CYP2R1: variants seen among roughly 807,000 people sequenced by gnomAD.
CYP2R1 encodes the protein cytochrome P450 family 2 subfamily R member 1.
In CYP2R1, 40 loss-of-function variants were observed where a neutral mutation model predicts 45.7. That is an observed-to-expected ratio of 0.87 (90% CI 0.68 to 1.14). The LOEUF is 1.14. Among genes scored for constraint, CYP2R1 ranks in the 50% most tolerant of loss-of-function variants. The probability of loss-of-function intolerance (pLI) is 0.00; values close to 1 mark genes in which losing one functional copy is unlikely to be tolerated. For synonymous variants in CYP2R1, 234 were observed against 219.3 expected, an observed-to-expected ratio of 1.07 and a Z score of -0.59; for missense variants, 605 against 602.6, an observed-to-expected ratio of 1.00 and a Z score of -0.04.
At chr11:14,884,205 C>T (rs1848511843) in intron 2 of CYP2R1, among the ~76,000 whole-genome samples, 1 of 151,990 alleles carries the variant, frequency 6.6e-6, no homozygotes, top group African/African-American at 2.4e-5. Flanking sequence ...GACTATAAAT[C>T]ATGCTGCTAT....
rs1555010091 is a variant in CYP2R1, at chr11:14,877,873, T to G, written c.*249A>C. The stretch of plus-strand genomic sequence containing the variant: ...GGCGTCCATGACCCTTCTTAGCATT[T>G]TAAGCAACACCCATCATTTGCACCT... On this transcript the variant is annotated 3_prime_UTR_variant, in exon 5 of 5. Transcript: ENST00000334636. 7 of 469,060 alleles carry G rather than the reference T, an allele frequency of 1.5e-5. No individual in the cohort carries two copies. The allele number at this position is 469,060 out of a possible 1,614,324, so 29.1% of individuals were successfully genotyped here. A position where few individuals can be genotyped will look rare whatever the true frequency, so the allele number is the denominator to read the frequency against.
Position 14,879,425 on chromosome 11 carries a change from ATC to A in CYP2R1, c.1017_1018del (p.Glu339AspfsTer2). ...CCCATTAGGGCCCATAATTAAATCA[ATC>A]TCTTTCTGAACTTGTCCTGTCAGAG... On this transcript the variant is annotated frameshift_variant, in exon 4 of 5. Coordinates refer to ENST00000334636, the MANE Select transcript of CYP2R1 (RefSeq NM_024514.5). LOFTEE classifies it high-confidence loss of function. 6.2e-7 allele frequency: 1 copy of A among 1,602,920 alleles called. No individual in the cohort carries two copies. The highest frequency in any genetic ancestry group is 1.3e-5 in the African/African-American group (1 of 74,978).
intron 1 of CYP2R1, chr11:14,887,682 C>A (rs1050745608): frequency 1.0e-6 from 1 of 981,106 alleles, no homozygotes; most frequent in Non-Finnish European, 1.2e-6. Context: ...CAAACCAGCC[C>A]TACTCATAAT....
At chr11:14,889,936 G>C (rs781910428) in intron 1 of CYP2R1, among the ~76,000 whole-genome samples, 23 of 152,192 alleles carry the variant, frequency 1.5e-4, no homozygotes, top group Non-Finnish European at 2.5e-4. Context: ...AGACCATCCT[G>C]CCTAACCGAG....
chr11:14,884,717 A>T (rs976791230), intron 2 of CYP2R1, among the ~76,000 whole-genome samples: 4 of 151,964 alleles, frequency 2.6e-5, no homozygotes, highest in African/African-American at 9.7e-5. Context: ...AAAAAGAAAT[A>T]AAAAAACACA....
intron 2 of CYP2R1, among the ~76,000 whole-genome samples, chr11:14,884,114 T>A (rs1208173677): frequency 1.3e-5 from 2 of 152,130 alleles, no homozygotes; most frequent in African/African-American, 4.8e-5. Context: ...ATTGTGGAAG[T>A]CAGTGTGGCG....
chr11:14,889,481 C>T (rs944677294), intron 1 of CYP2R1, among the ~76,000 whole-genome samples: 1 of 152,180 alleles, frequency 6.6e-6, no homozygotes, highest in African/African-American at 2.4e-5. Flanking sequence ...CATAGTGAGG[C>T]AAACAATGTC....
At chr11:14,878,844 A>G (rs1355507164) in intron 4 of CYP2R1, among the ~76,000 whole-genome samples, 1 of 152,050 alleles carries the variant, frequency 6.6e-6, no homozygotes, top group Non-Finnish European at 1.5e-5. Flanking sequence ...CTGTTACTGA[A>G]TTCTCATTCC....
Position 14,879,416 on chromosome 11 carries a change from A to G in CYP2R1, c.1028T>C (p.Ile343Thr), listed in dbSNP as rs1378257281. ...AGAAGGCTTCCCATTAGGGCCCATA[A>G]TTAAATCAATCTCTTTCTGAACTTG... The part of the protein sequence containing the change: ...QGQVQKEIDL[I>T]MGPNGKPSWD... Residue 343 changes from isoleucine to threonine, a missense_variant, in exon 4 of 5, where the codon ATT becomes ACT. Physicochemically the swap from Ile to Thr is moderately conservative, Grantham distance 89. Coordinates refer to ENST00000334636, the MANE Select transcript of CYP2R1 (RefSeq NM_024514.5). The G allele has an allele frequency of 6.2e-7, 1 of 1,604,514 alleles. No individual in the cohort carries two copies. The highest frequency in any genetic ancestry group is 8.5e-7 in the Non-Finnish European group (1 of 1,179,266).
At chr11:14,889,224 A>G (rs1555015764) in intron 1 of CYP2R1, among the ~76,000 whole-genome samples, 1 of 150,890 alleles carries the variant, frequency 6.6e-6, no homozygotes, top group African/African-American at 2.4e-5. Flanking sequence ...GAAAACTAAG[A>G]TTTTATTTAA....
rs1555011001 is a variant in CYP2R1, at chr11:14,879,364, A to G, written c.1080T>C (p.Tyr360=). The G allele has an allele frequency of 5.0e-6, 8 of 1,611,516 alleles. No homozygotes were observed. Among genetic ancestry groups the G allele is most frequent in the Non-Finnish European group, 5.9e-6 (7 of 1,179,392 alleles). The change falls in exon 4 of 5, where the codon TAT becomes TAC. Residue 360 remains tyrosine, a synonymous_variant. Transcript: ENST00000334636. ...PSWDDKCKMP[Y]TEAVLHEVLR... Reference sequence around the variant, plus strand: ...AAACTTCATGCAAAACTGCCTCAGTATAAGGCATTTTGCATTTGTCGTCCC... The same window carrying G: ...AAACTTCATGCAAAACTGCCTCAGTGTAAGGCATTTTGCATTTGTCGTCCC...
At position 14,892,136 on chromosome 11, in the gene CYP2R1, CGAAGAGCAGCAG is replaced by C. The variant is rs1848885009; in HGVS notation, c.58_69del (p.Leu20_Phe23del). The C allele has an allele frequency of 6.2e-7, 1 of 1,611,350 alleles. No individual in the cohort carries two copies. The highest frequency in any genetic ancestry group is 1.1e-5 in the South Asian group (1 of 91,012). Reference sequence around the variant, plus strand: ...TTCAGCAGCTGGCGGACCCCTAGCGCGAAGAGCAGCAGGAAGAGCGCGCCGCCGAGCGCCGCC... The same window carrying C: ...TTCAGCAGCTGGCGGACCCCTAGCGCGAAGAGCGCGCCGCCGAGCGCCGCC... On this transcript the variant is annotated inframe_deletion, in exon 1 of 5. Transcript: ENST00000334636.
chr11:14,888,927 A>C (rs1165608125), intron 1 of CYP2R1, among the ~76,000 whole-genome samples: 4 of 152,224 alleles, frequency 2.6e-5, no homozygotes, highest in Non-Finnish European at 4.4e-5. Context: ...GCCTCTTGAA[A>C]TCTAGACTAA....
In CYP2R1 at chr11:14,880,084, T is replaced by C; in HGVS notation, c.1000+52A>G. 3.1e-6 allele frequency: 5 copies of C among 1,595,772 alleles called. No homozygotes were observed. In the South Asian group the frequency reaches 5.6e-5, roughly 18 times the overall value. ...TGCATGGCCAAGACTCAAAAACATG[T>C]ATGAACCCTACATGTAAGGATAGAC... is the stretch of plus-strand genomic sequence containing the variant. On this transcript the variant is annotated intron_variant, in intron 3 of 4. Transcript: ENST00000334636.
At chr11:14,891,018 G>T (rs1590235749) in intron 1 of CYP2R1, 2 of 985,380 alleles carry the variant, frequency 2.0e-6, no homozygotes, top group East Asian at 1.1e-4. Flanking sequence ...TCCTTAAAAG[G>T]CTGTATCTGC....
intron 1 of CYP2R1, chr11:14,890,783 C>T: frequency 1.3e-6 from 1 of 771,584 alleles, no homozygotes; most frequent in Non-Finnish European, 1.6e-6. Flanking sequence ...CTCCTGATTT[C>T]GTGATCCGCC....
intron 1 of CYP2R1, 30 bp from the exon 2 acceptor site, chr11:14,885,947 A>C: frequency 6.2e-7 from 1 of 1,607,384 alleles, no homozygotes; most frequent in African/African-American, 1.3e-5. Context: ...ACAACATTTA[A>C]ATGACAGCAT....
chr11:14,877,464 T>A lies in CYP2R1; in HGVS notation c.*658A>T, dbSNP rs1451722541. On this transcript the variant is annotated 3_prime_UTR_variant, in exon 5 of 5. Transcript: ENST00000334636. ...ATCATTTTAAATTTTAAATATATTA[T>A]TGTAATGTCCTATCTACTTAACTGC... 6.6e-6 allele frequency: 1 copy of A among 152,128 alleles called. No individual in the cohort carries two copies. The highest frequency in any genetic ancestry group is 1.5e-5 in the Non-Finnish European group (1 of 68,018). The allele number at this position is 152,128 out of a possible 1,614,324, so 9.4% of individuals were successfully genotyped here.
Position 14,878,287 on chromosome 11 carries a change from A to G in CYP2R1, c.1341T>C (p.His447=), listed in dbSNP as rs782459427. 4.3e-6 allele frequency: 7 copies of G among 1,612,868 alleles called. No homozygotes were observed. The South Asian group carries it at 5.5e-5, about 13-fold the overall frequency. ...TCCGAGCCAAGTGTTCTCCAAGACA[A>G]TGTCTTCTTCCTAAACAGAAAAAGC... ...ALVPFSLGRR[H]CLGEHLARME... is the part of the protein sequence containing the mutation. The change falls in exon 5 of 5, where the codon CAT becomes CAC. Residue 447 remains histidine, a synonymous_variant. Coordinates refer to ENST00000334636, the MANE Select transcript of CYP2R1 (RefSeq NM_024514.5).
Sources: gnomAD v4.1 joint callset for allele counts (sites outside exome capture counted in the v4.1 genomes callset) on GRCh38, gnomAD v4.1.1 for gene constraint, MANE v1.5 for transcripts, NCBI Gene and HGNC (gene_info 2026-07-23, HGNC 2026-07-21) for gene names.